The following MGAT5 variants were observed in gnomAD, a reference collection of about 807,000 sequenced individuals.
MGAT5 encodes alpha-1,6-mannosylglycoprotein 6-beta-N-acetylglucosaminyltransferase A.
MGAT5 carries 30 observed loss-of-function variants against 94.3 expected under a neutral mutation model. The ratio of observed to expected loss-of-function variants is 0.32; its 90% CI spans 0.24 to 0.43. The LOEUF is 0.43. Among genes scored for constraint, MGAT5 ranks in the 20% least tolerant of loss-of-function variants. MGAT5 has a pLI of 1.00. For synonymous variants in MGAT5, 310 were observed against 322.9 expected (o/e 0.96, Z 0.43); for missense variants, 691 against 905.5 (o/e 0.76, Z 3.04).
At chr2:134,133,167 C>T (rs1462721853) in intron 1 of MGAT5, among the ~76,000 whole-genome samples, 1 of 152,162 alleles carries the variant, frequency 6.6e-6, no homozygotes, top group African/African-American at 2.4e-5. Flanking sequence ...GCAGCTGGGC[C>T]TTATTGCCAC....
chr2:134,134,589 C>T (rs1686322020), intron 1 of MGAT5, among the ~76,000 whole-genome samples: 1 of 152,232 alleles, frequency 6.6e-6, no homozygotes, highest in African/African-American at 2.4e-5. Context: ...GGTTTTCCCT[C>T]AGTGCCCAGC....
In MGAT5 at chr2:134,207,780, G is replaced by A. The variant is rs533601018; in HGVS notation, c.-142-46482G>A. On this transcript the variant is annotated intron_variant, in intron 1 of 16. Coordinates refer to the MGAT5 transcript ENST00000409645. ...ATCATTTGTGCTCTTGCCATCTACC[G>A]CCCCCTGCCTGCCACCAAGCCAACC... 1.2e-3 allele frequency among the ~76,000 whole-genome samples: 184 copies of A among 152,162 alleles called. 1 individual carries two copies. The highest frequency in any genetic ancestry group is 3.9e-3 in the African/African-American group (162 of 41,506).
At chr2:134,375,284 C>T (rs1681094495) in intron 10 of MGAT5, among the ~76,000 whole-genome samples, 1 of 152,208 alleles carries the variant, frequency 6.6e-6, no homozygotes, top group African/African-American at 2.4e-5. Flanking sequence ...TTGTAGCCAA[C>T]ACACTGGACT....
At chr2:134,371,153 G>A (rs1213434204) in intron 10 of MGAT5, among the ~76,000 whole-genome samples, 1 of 152,080 alleles carries the variant, frequency 6.6e-6, no homozygotes, top group Non-Finnish European at 1.5e-5. Context: ...GGCTTGGGTG[G>A]CAAAGGAGAT....
At chr2:134,257,464 T>A (rs538845407) in intron 1 of MGAT5, among the ~76,000 whole-genome samples, 12 of 152,180 alleles carry the variant, frequency 7.9e-5, no homozygotes, top group Non-Finnish European at 1.6e-4. Flanking sequence ...TCAGATGATC[T>A]GCCCGCCTCA....
chr2:134,297,476 C>T (rs1195145553), intron 2 of MGAT5, among the ~76,000 whole-genome samples: 1 of 152,130 alleles, frequency 6.6e-6, no homozygotes, highest in Non-Finnish European at 1.5e-5. Flanking sequence ...CCTATAAACA[C>T]TGACACAAAT....
At chr2:134,425,305 G>C (rs1684513359) in intron 13 of MGAT5, among the ~76,000 whole-genome samples, 1 of 152,046 alleles carries the variant, frequency 6.6e-6, no homozygotes, top group East Asian at 1.9e-4. Context: ...CTTTCAATAG[G>C]CCATGGTAAA....
chr2:134,378,429 A>ATCAAACC (rs1239461921), intron 10 of MGAT5, among the ~76,000 whole-genome samples: 6 of 152,142 alleles, frequency 3.9e-5, no homozygotes, highest in Admixed American at 3.9e-4. Context: ...AGAAGTGTCT[A>ATCAAACC]TCAAACCCGA....
intron 10 of MGAT5, 126 bp from the exon 11 acceptor site, chr2:134,402,862 C>A: frequency 3.2e-6 from 3 of 929,378 alleles, no homozygotes; most frequent in Non-Finnish European, 4.5e-6. Context: ...TTGCCAAATT[C>A]CTGTGATCTC....
chr2:134,164,173 G>A (rs1471812586), intron 1 of MGAT5, among the ~76,000 whole-genome samples: 1 of 152,166 alleles, frequency 6.6e-6, no homozygotes, highest in Non-Finnish European at 1.5e-5. Flanking sequence ...AATTTCTCAG[G>A]CTTTTAATTC....
chr2:134,148,215 G>A (rs1219688724), intron 1 of MGAT5, among the ~76,000 whole-genome samples: 1 of 152,234 alleles, frequency 6.6e-6, no homozygotes, highest in African/African-American at 2.4e-5. Flanking sequence ...GCATGCAAAA[G>A]TTAAGACACC....
chr2:134,386,449 T>A (rs1205275052), intron 10 of MGAT5, among the ~76,000 whole-genome samples: 1 of 152,246 alleles, frequency 6.6e-6, no homozygotes. Flanking sequence ...ATTTCCTTTT[T>A]CTCTTAAAAT....
chr2:134,403,345 G>A (rs928321649), intron 11 of MGAT5, among the ~76,000 whole-genome samples: 5 of 152,134 alleles, frequency 3.3e-5, no homozygotes, highest in African/African-American at 9.7e-5. Flanking sequence ...TTCAAAAATC[G>A]TATTTACTAA....
chr2:134,221,295 T>G (rs752999402), intron 1 of MGAT5, among the ~76,000 whole-genome samples: 1 of 152,212 alleles, frequency 6.6e-6, no homozygotes, highest in Non-Finnish European at 1.5e-5. Flanking sequence ...GCAGGACAAC[T>G]CAGAGTGGGG....
rs141527756 is a variant in MGAT5, at chr2:134,176,369, C to T, written c.-143+56078C>T. ...GGGGTGGATTGCGAGGTCAGGAGTT[C>T]GAGAACAGCCTGGCCAACGTGGTGA... is the stretch of plus-strand genomic sequence containing the variant. On this transcript the variant is annotated intron_variant, in intron 1 of 16. Coordinates refer to the MGAT5 transcript ENST00000409645. Among the ~76,000 whole-genome samples the T allele has an allele frequency of 1.0e-3, 152 of 151,930 alleles. 1 individual carries two copies. The East Asian group carries it at 0.023, about 22-fold the overall frequency.
intron 1 of MGAT5, among the ~76,000 whole-genome samples, chr2:134,265,847 T>C (rs748635162): frequency 1.3e-5 from 2 of 152,138 alleles, no homozygotes; most frequent in East Asian, 3.9e-4. Context: ...TGTACAGTTG[T>C]ATTGAACAAA....
chr2:134,399,777 G>T (rs943825279), intron 10 of MGAT5, among the ~76,000 whole-genome samples: 1 of 152,132 alleles, frequency 6.6e-6, no homozygotes, highest in African/African-American at 2.4e-5. Flanking sequence ...GGACATACAG[G>T]TCTATGGTGG....
intron 1 of MGAT5, among the ~76,000 whole-genome samples, chr2:134,145,863 A>G (rs974985965): frequency 4.6e-5 from 7 of 152,038 alleles, no homozygotes; most frequent in Admixed American, 4.6e-4. Flanking sequence ...CCTTCCTAAC[A>G]CCTTCCCCCA....
At chr2:134,318,974 G>T (rs761580175) in intron 4 of MGAT5, among the ~76,000 whole-genome samples, 1 of 152,088 alleles carries the variant, frequency 6.6e-6, no homozygotes, top group East Asian at 1.9e-4. Context: ...TCTTTAAATT[G>T]TAGTAAAATA....
Sources: allele counts gnomAD v4.1 joint callset (sites outside exome capture counted in the v4.1 genomes callset), GRCh38; gene constraint gnomAD v4.1.1; transcripts MANE v1.5; gene names NCBI Gene and HGNC (gene_info 2026-07-23, HGNC 2026-07-21).